The following LRFN5 variants were observed in gnomAD, a reference collection of about 807,000 sequenced individuals.
LRFN5 encodes leucine-rich repeat and fibronectin type-III domain-containing protein 5.
A neutral mutation model predicts 45.6 loss-of-function variants in LRFN5; 24 were observed. That is an observed-to-expected ratio of 0.53 (90% confidence interval 0.38 to 0.74). LRFN5 has a LOEUF of 0.74. Among genes scored for constraint, LRFN5 ranks in the 30% least tolerant of loss-of-function variants. The pLI is 0.00. For synonymous variants in LRFN5, 340 were observed against 313.8 expected, an observed-to-expected ratio of 1.08 and a Z score of -0.88; for missense variants, 776 against 861.5, an observed-to-expected ratio of 0.90 and a Z score of 1.24.
rs183118675 is a variant in LRFN5 at position 41,696,287 on chromosome 14, G to A, written c.-196-70567G>A. On this transcript the variant is annotated intron_variant, in intron 1 of 5. Transcript: ENST00000298119. Reference sequence around the variant, plus strand: ...GAAAAGTACTCCTGATGAAGATGCTGTGAACATTGTTGAAATGACAGTGGA... The same window carrying A: ...GAAAAGTACTCCTGATGAAGATGCTATGAACATTGTTGAAATGACAGTGGA... 3.9e-3 allele frequency among the ~76,000 whole-genome samples: 589 copies of A among 152,080 alleles called. 4 individuals are homozygous for A. The highest frequency in any genetic ancestry group is 4.9e-3 in the Non-Finnish European group (330 of 67,890).
At chr14:41,650,254 C>CACACACACACAT (rs1880034578) in intron 1 of LRFN5, among the ~76,000 whole-genome samples, 1 of 143,282 alleles carries the variant, frequency 7.0e-6, no homozygotes, top group Non-Finnish European at 1.5e-5. Flanking sequence ...CACACACACA[C>CACACACACACAT]ACACACACAC....
chr14:41,880,756 A>T (rs1053306592), intron 2 of LRFN5, among the ~76,000 whole-genome samples: 2 of 152,020 alleles, frequency 1.3e-5, no homozygotes, highest in African/African-American at 4.8e-5. Flanking sequence ...CTGTGGATTT[A>T]AAAAAAATTC....
chr14:41,781,622 G>GAA (rs1236394191), intron 2 of LRFN5, among the ~76,000 whole-genome samples: 2 of 120,894 alleles, frequency 1.7e-5, no homozygotes, highest in African/African-American at 6.7e-5. Context: ...GAAAGAGAAA[G>GAA]AAAGAAAGAA....
At chr14:41,890,437 G>A (rs1228451442) in intron 3 of LRFN5, among the ~76,000 whole-genome samples, 1 of 152,066 alleles carries the variant, frequency 6.6e-6, no homozygotes, top group African/African-American at 2.4e-5. Context: ...GCCGGGCGCG[G>A]TGGCTCACGC....
At chr14:41,662,714 C>G (rs568451916) in intron 1 of LRFN5, among the ~76,000 whole-genome samples, 40 of 152,146 alleles carry the variant, frequency 2.6e-4, no homozygotes, top group African/African-American at 9.6e-4. Context: ...AGCATCTCTG[C>G]AGCTGTTTAT....
intron 1 of LRFN5, among the ~76,000 whole-genome samples, chr14:41,675,752 G>A (rs536018190): frequency 6.6e-5 from 10 of 152,068 alleles, no homozygotes; most frequent in Non-Finnish European, 1.5e-4. Context: ...TATTAATGAT[G>A]ATCAGTTGGC....
At chr14:41,864,750 A>C (rs965241076) in intron 2 of LRFN5, among the ~76,000 whole-genome samples, 8 of 152,074 alleles carry the variant, frequency 5.3e-5, no homozygotes, top group African/African-American at 1.9e-4. Flanking sequence ...CATATACTAC[A>C]TTAGTGTTTA....
At chr14:41,844,639 A>G (rs1888996778) in intron 2 of LRFN5, among the ~76,000 whole-genome samples, 1 of 152,072 alleles carries the variant, frequency 6.6e-6, no homozygotes, top group Admixed American at 6.6e-5. Flanking sequence ...GTATGCTATT[A>G]ATTTGACTCT....
chr14:41,695,546 G>A (rs963381829), intron 1 of LRFN5, among the ~76,000 whole-genome samples: 2 of 151,858 alleles, frequency 1.3e-5, no homozygotes, highest in African/African-American at 4.8e-5. Flanking sequence ...CTGGTGACTT[G>A]GAAGTTGAAG....
chr14:41,713,015 G>A (rs2138750854), intron 1 of LRFN5, among the ~76,000 whole-genome samples: 1 of 152,074 alleles, frequency 6.6e-6, no homozygotes, highest in East Asian at 1.9e-4. Context: ...TATTAACAAG[G>A]AAATATTCAT....
rs977245256 is a variant in LRFN5, at chr14:41,629,199, G to T, written c.-197+20637G>T. ...TATATACTGCTCTGGCTCAAGTGTT[G>T]GGTTGAGAATGTCTTTAAAGGTTAT... On this transcript the variant is annotated intron_variant, in intron 1 of 5. Transcript: ENST00000298119. 5.3e-5 allele frequency among the ~76,000 whole-genome samples: 8 copies of T among 152,142 alleles called. No homozygotes were observed. The South Asian group carries it at 1.7e-3, about 32-fold the overall frequency.
chr14:41,870,084 G>A (rs1352283138), intron 2 of LRFN5, among the ~76,000 whole-genome samples: 1 of 152,042 alleles, frequency 6.6e-6, no homozygotes, highest in Non-Finnish European at 1.5e-5. Context: ...TCTTAGCTGG[G>A]TCTTCTGTTC....
Position 41,655,366 on chromosome 14 carries a change from G to C in LRFN5, c.-197+46804G>C. Among the ~76,000 whole-genome samples the C allele has an allele frequency of 3.3e-5, 5 of 152,054 alleles. 1 individual carries two copies. The South Asian group carries it at 1.0e-3, about 32-fold the overall frequency. On this transcript the variant is annotated intron_variant, in intron 1 of 5. Coordinates refer to ENST00000298119, the MANE Select transcript of LRFN5 (RefSeq NM_152447.5). ...CCTGAAGAAGATTAGAGACTAAATCGTAAGTATTCTAGAAGAGAAAACAGC... is the reference window on the plus strand; with the variant it reads ...CCTGAAGAAGATTAGAGACTAAATCCTAAGTATTCTAGAAGAGAAAACAGC...
intron 1 of LRFN5, chr14:41,733,416 A>T (rs1018900807): frequency 4.5e-5 from 6 of 132,904 alleles, no homozygotes; most frequent in South Asian, 2.1e-4. Flanking sequence ...AAAGAAAATT[A>T]AAAAAAAAAA....
At chr14:41,786,080 CT>C (rs542446741) in intron 2 of LRFN5, among the ~76,000 whole-genome samples, 64 of 152,092 alleles carry the variant, frequency 4.2e-4, no homozygotes, top group Non-Finnish European at 5.9e-4. Context: ...TATATTTTTG[CT>C]CCTGTCCTTT....
At chr14:41,756,940 G>T (rs1000469044) in intron 1 of LRFN5, among the ~76,000 whole-genome samples, 1 of 152,108 alleles carries the variant, frequency 6.6e-6, no homozygotes, top group Non-Finnish European at 1.5e-5. Flanking sequence ...GTTTTGGTGT[G>T]GGTGTCCTTT....
At chr14:41,704,054 A>G (rs1882947186) in intron 1 of LRFN5, among the ~76,000 whole-genome samples, 1 of 152,136 alleles carries the variant, frequency 6.6e-6, no homozygotes, top group Non-Finnish European at 1.5e-5. Context: ...ACTCAAGGAG[A>G]TCATATCTCC....
chr14:41,850,312 A>G (rs12882576), intron 2 of LRFN5, among the ~76,000 whole-genome samples: 2 of 151,786 alleles, frequency 1.3e-5, no homozygotes, highest in African/African-American at 4.8e-5. Context: ...AAAGTGATTG[A>G]GGTAGAATAA....
rs572256028 is a variant in LRFN5, at chr14:41,898,774, G to A, written c.2099-143G>A. 2.6e-4 allele frequency: 185 copies of A among 700,068 alleles called. 3 individuals carry two copies. In the South Asian group the frequency reaches 3.3e-3, roughly 12 times the overall value. The allele number at this position is 700,068 out of a possible 1,614,324, so 43.4% of individuals were successfully genotyped here. ...GTCAATTGCAATTAACCCATGAACT[G>A]GTAAGTTTTTTAAAAAAAATCTTTA... On this transcript the variant is annotated intron_variant, in intron 4 of 5. Transcript: ENST00000298119.
Sources: allele counts gnomAD v4.1 joint callset (sites outside exome capture counted in the v4.1 genomes callset), GRCh38; gene constraint gnomAD v4.1.1; transcripts MANE v1.5; gene names NCBI Gene and HGNC (gene_info 2026-07-23, HGNC 2026-07-21).